The following GPCPD1 variants were observed in gnomAD, a reference collection of about 807,000 sequenced individuals.
The protein encoded by GPCPD1 is glycerophosphocholine phosphodiesterase 1, also known as glycerophosphocholine phosphodiesterase GPCPD1.
A neutral mutation model predicts 89.2 loss-of-function variants in GPCPD1; 29 were observed. That is an observed-to-expected ratio of 0.33 (90% confidence interval 0.24 to 0.44). GPCPD1 has a LOEUF of 0.44. GPCPD1 is among the 20% of genes least tolerant of loss of function. The probability of loss-of-function intolerance (pLI) is 1.00; values close to 1 mark genes in which losing one functional copy is unlikely to be tolerated. For missense variants in GPCPD1, 594 were observed against 808.9 expected, an observed-to-expected ratio of 0.73 and a Z score of 3.22; for synonymous variants, 258 against 266.3, an observed-to-expected ratio of 0.97 and a Z score of 0.30.
At chr20:5,587,584 T>A (rs1382366716) in intron 4 of GPCPD1, among the ~76,000 whole-genome samples, 1 of 152,144 alleles carries the variant, frequency 6.6e-6, no homozygotes, top group Non-Finnish European at 1.5e-5. Context: ...GCCAGGCTAG[T>A]CTCGAACTCC....
chr20:5,592,455 T>C (rs942433907), intron 4 of GPCPD1, among the ~76,000 whole-genome samples: 1 of 152,220 alleles, frequency 6.6e-6, no homozygotes, highest in Non-Finnish European at 1.5e-5. Context: ...ACAGCTAAAG[T>C]GGGTTTGTCA....
At chr20:5,558,195 C>G in intron 18 of GPCPD1, 90 bp from the exon 19 acceptor site, 1 of 698,860 alleles carries the variant, frequency 1.4e-6, no homozygotes, top group Non-Finnish European at 2.3e-6. Flanking sequence ...CTCCAAAGTA[C>G]AGCAGGCGGG....
At position 5,578,445 on chromosome 20, in the gene GPCPD1, A is replaced by G. The variant is rs761090079; in HGVS notation, c.640T>C (p.Trp214Arg). The change falls in exon 8 of 20, where the codon TGG (tryptophan) becomes CGG (arginine). Residue 214 changes from tryptophan (W) to arginine (R), a missense_variant. Coordinates refer to ENST00000379019, the MANE Select transcript of GPCPD1 (RefSeq NM_019593.5). ...ECGYGLQPDRWTEYSIQTMEP... is the reference protein window; with the variant it reads ...ECGYGLQPDRRTEYSIQTMEP... ...ATCGTCTGTATGCTGTACTCTGTCC[A>G]ACGATCAGGCTGCAAGCCATAACCA... 7 of 1,614,174 alleles carry G rather than the reference A, an allele frequency of 4.3e-6. No individual in the cohort carries two copies. Among genetic ancestry groups the G allele is most frequent in the Non-Finnish European group, 5.1e-6 (6 of 1,179,968 alleles).
chr20:5,584,826 T>G (rs1300481927), intron 5 of GPCPD1: 1 of 152,630 alleles, frequency 6.6e-6, no homozygotes, highest in Non-Finnish European at 1.5e-5. Flanking sequence ...TACAGAGCTG[T>G]GAGGAACTAC....
Position 5,546,940 on chromosome 20 carries a change from T to C in GPCPD1, c.*721A>G, listed in dbSNP as rs1202405579. On this transcript the variant is annotated 3_prime_UTR_variant, in exon 20 of 20. Transcript: ENST00000379019. ...AATTGAATTTGTATGTTGTGATCTA[T>C]TCTACTAAGTATGCAATACATACTT... 6.5e-6 allele frequency: 1 copy of C among 152,672 alleles called. No individual in the cohort carries two copies. The allele number at this position is 152,672 out of a possible 1,614,324, so 9.5% of individuals were successfully genotyped here.
At chr20:5,579,160 G>T (rs1978317480) in intron 7 of GPCPD1, among the ~76,000 whole-genome samples, 1 of 152,002 alleles carries the variant, frequency 6.6e-6, no homozygotes, top group South Asian at 2.1e-4. Context: ...ACTCCAACCT[G>T]GGTGACACGG....
chr20:5,568,422 C>CT (rs67963548), intron 12 of GPCPD1, among the ~76,000 whole-genome samples: 15 of 150,434 alleles, frequency 1.0e-4, no homozygotes, highest in East Asian at 5.8e-4. Flanking sequence ...TTCTGAAATA[C>CT]TTTTTTTTTT....
rs775629835 is a variant in GPCPD1 at position 5,561,501 on chromosome 20, C to A, written c.1359G>T (p.Gly453=). The A allele has an allele frequency of 1.9e-6, 3 of 1,602,246 alleles. No individual in the cohort carries two copies. Among genetic ancestry groups the A allele is most frequent in the South Asian group, 2.2e-5 (2 of 90,454 alleles). ...AGATCCATTTTATTTCAATGTTAAA[C>A]CCTACATCTTCTGGCAAAGACTCTA... ...MVLESLPEDV[G]FNIEIKWICQ... The change falls in exon 16 of 20, where the codon GGG becomes GGT. Residue 453 remains glycine (G), a synonymous_variant. Coordinates refer to ENST00000379019, the MANE Select transcript of GPCPD1 (RefSeq NM_019593.5).
chr20:5,582,012 G>A (rs564011244), intron 6 of GPCPD1, among the ~76,000 whole-genome samples: 60 of 145,808 alleles, frequency 4.1e-4, no homozygotes, highest in African/African-American at 1.2e-3. Flanking sequence ...GTGAAACCCC[G>A]TCTCTACTAA....
chr20:5,558,875 T>C, intron 17 of GPCPD1, 56 bp from the exon 18 acceptor site: 1 of 1,323,126 alleles, frequency 7.6e-7, no homozygotes, highest in East Asian at 2.5e-5. Flanking sequence ...GTAATATTCC[T>C]TTTTGGAATT....
In GPCPD1 at chr20:5,552,180, A is replaced by T. The variant is rs571728590; in HGVS notation, c.1830-4330T>A. Among the ~76,000 whole-genome samples, 184 of 151,548 alleles carry T rather than the reference A, an allele frequency of 1.2e-3. 1 individual carries two copies. The highest frequency in any genetic ancestry group is 4.2e-3 in the African/African-American group (175 of 41,388). On this transcript the variant is annotated intron_variant, in intron 19 of 19. Coordinates refer to ENST00000379019, the MANE Select transcript of GPCPD1 (RefSeq NM_019593.5). Reference sequence around the variant, plus strand: ...CTTTTTTGAATAAAATTAAAAAAAAATGTTGAGGGTAAAAACCAACTCAAC... The same window carrying T: ...CTTTTTTGAATAAAATTAAAAAAAATTGTTGAGGGTAAAAACCAACTCAAC...
chr20:5,586,077 T>C, intron 5 of GPCPD1, 117 bp downstream of exon 5: 1 of 498,404 alleles, frequency 2.0e-6, no homozygotes. Flanking sequence ...TTTGTAGCAC[T>C]GACAATGCAT....
chr20:5,593,273 G>C, intron 4 of GPCPD1, 54 bp downstream of exon 4: 1 of 875,624 alleles, frequency 1.1e-6, no homozygotes, highest in Non-Finnish European at 1.9e-6. Flanking sequence ...ACTTAAGTGA[G>C]TTGCTTTTGA....
At chr20:5,587,428 G>C (rs1315276946) in intron 4 of GPCPD1, among the ~76,000 whole-genome samples, 2 of 151,740 alleles carry the variant, frequency 1.3e-5, no homozygotes, top group African/African-American at 2.4e-5. Context: ...AAGTGCAATG[G>C]CACAATCTCG....
At chr20:5,598,547 G>A (rs769317138) in intron 3 of GPCPD1, among the ~76,000 whole-genome samples, 178 bp downstream of exon 3, 8 of 150,270 alleles carry the variant, frequency 5.3e-5, no homozygotes, top group Non-Finnish European at 1.2e-4. Context: ...AACAGTAAGA[G>A]AGGAACCTGT....
chr20:5,567,793 A>C (rs1986477872), intron 12 of GPCPD1: 1 of 359,834 alleles, frequency 2.8e-6, no homozygotes, highest in African/African-American at 2.1e-5. Flanking sequence ...GCAGTGTAGA[A>C]TACCTGGAAG....
At chr20:5,557,889 T>C (rs1985866346) in intron 19 of GPCPD1, 56 bp downstream of exon 19, 1 of 931,134 alleles carries the variant, frequency 1.1e-6, no homozygotes, top group African/African-American at 1.7e-5. Context: ...TATAATTTCG[T>C]AAGATGAAAT....
At chr20:5,567,878 C>T (rs185754598) in intron 12 of GPCPD1, 94 of 212,872 alleles carry the variant, frequency 4.4e-4, no homozygotes, top group Non-Finnish European at 7.4e-4. Context: ...ATCTCCCCTA[C>T]TTCCTGTTAT....
intron 4 of GPCPD1, among the ~76,000 whole-genome samples, chr20:5,587,789 T>A (rs1600776859): frequency 6.6e-6 from 1 of 152,174 alleles, no homozygotes; most frequent in East Asian, 1.9e-4. Flanking sequence ...AATTTGACGA[T>A]AAGCCAAACA....
Sources: gnomAD v4.1 joint callset for allele counts (sites outside exome capture counted in the v4.1 genomes callset) on GRCh38, gnomAD v4.1.1 for gene constraint, MANE v1.5 for transcripts, NCBI Gene and HGNC (gene_info 2026-07-23, HGNC 2026-07-21) for gene names.